The following TNKS variants were observed in gnomAD, a reference collection of about 807,000 sequenced individuals.
The protein encoded by TNKS is tankyrase.
In TNKS, 72 loss-of-function variants were observed where a neutral mutation model predicts 135.8. The observed-to-expected ratio is 0.53, with a 90% confidence interval of 0.44 to 0.64. TNKS has a LOEUF of 0.64. Ranked by LOEUF, TNKS falls within the 30% of genes least tolerant of loss-of-function variation. The probability of loss-of-function intolerance (pLI) is 0.00; values close to 1 mark genes in which losing one functional copy is unlikely to be tolerated. For missense variants in TNKS, 1,769 were observed against 1,674.0 expected, an observed-to-expected ratio of 1.06 and a Z score of -0.99; for synonymous variants, 849 against 649.3, an observed-to-expected ratio of 1.31 and a Z score of -4.68.
chr8:9,764,576 C>T (rs1208562204), intron 22 of TNKS, 140 bp from the exon 23 acceptor site: 3 of 491,504 alleles, frequency 6.1e-6, no homozygotes, highest in African/African-American at 2.0e-5. Flanking sequence ...TATTTTCTCA[C>T]CAAAAATACT....
intron 5 of TNKS, among the ~76,000 whole-genome samples, chr8:9,682,061 T>C (rs1802805916): frequency 6.6e-6 from 1 of 152,100 alleles, no homozygotes; most frequent in African/African-American, 2.4e-5. Context: ...AACTGTTCAT[T>C]TTTCCTTCAG....
At chr8:9,580,615 A>G (rs1429051694) in intron 2 of TNKS, among the ~76,000 whole-genome samples, 3 of 152,178 alleles carry the variant, frequency 2.0e-5, no homozygotes, top group Non-Finnish European at 4.4e-5. Context: ...GTGGAACTCA[A>G]TTTTAATGGA....
At chr8:9,629,874 G>A (rs1425918310) in intron 3 of TNKS, among the ~76,000 whole-genome samples, 1 of 152,086 alleles carries the variant, frequency 6.6e-6, no homozygotes, top group Non-Finnish European at 1.5e-5. Flanking sequence ...AGTAGAGACG[G>A]GGTTTCACCG....
chr8:9,687,055 A>G (rs1377798017), intron 5 of TNKS, among the ~76,000 whole-genome samples: 3 of 152,178 alleles, frequency 2.0e-5, no homozygotes, highest in Admixed American at 6.5e-5. Context: ...ATCTGCAGTG[A>G]AGTTTATGTA....
At chr8:9,744,872 C>T (rs1459375793) in intron 17 of TNKS, among the ~76,000 whole-genome samples, 2 of 152,104 alleles carry the variant, frequency 1.3e-5, no homozygotes, top group African/African-American at 2.4e-5. Context: ...GTTGGTTTGT[C>T]CAAGCATAAA....
chr8:9,632,980 CG>C (rs1346035020), intron 3 of TNKS, among the ~76,000 whole-genome samples: 2 of 152,186 alleles, frequency 1.3e-5, no homozygotes, highest in East Asian at 3.9e-4. Flanking sequence ...CTGCCCGCCT[CG>C]GCCACCCAAA....
intron 26 of TNKS, among the ~76,000 whole-genome samples, chr8:9,774,693 G>C (rs150846057): frequency 1.3e-5 from 2 of 152,026 alleles, no homozygotes; most frequent in African/African-American, 4.8e-5. Flanking sequence ...ATTAGGAACC[G>C]GGAGCATTTA....
chr8:9,680,992 T>G, intron 5 of TNKS, 192 bp downstream of exon 5: 1 of 429,068 alleles, frequency 2.3e-6, no homozygotes, highest in Non-Finnish European at 4.1e-6. Flanking sequence ...GCATGGATCT[T>G]AAGTAAGCCT....
intron 5 of TNKS, among the ~76,000 whole-genome samples, chr8:9,691,478 G>C (rs1347338132): frequency 6.6e-6 from 1 of 152,040 alleles, no homozygotes; most frequent in Non-Finnish European, 1.5e-5. Context: ...AGCTATATTA[G>C]TCCATTTCTG....
chr8:9,669,145 G>A lies in TNKS; in HGVS notation c.995-10806G>A, dbSNP rs190333691. Reference sequence around the variant, plus strand: ...ATAAGAATGGAAAAAAGGGCCGGGCGCGGTGGCTCACGCCTGTAATCCCAG... The same window carrying A: ...ATAAGAATGGAAAAAAGGGCCGGGCACGGTGGCTCACGCCTGTAATCCCAG... On this transcript the variant is annotated intron_variant, in intron 3 of 26. Coordinates refer to ENST00000310430, the MANE Select transcript of TNKS (RefSeq NM_003747.3). 3.2e-3 allele frequency among the ~76,000 whole-genome samples: 480 copies of A among 152,206 alleles called. 2 individuals are homozygous for A. Among genetic ancestry groups the A allele is most frequent in the African/African-American group, 0.011 (447 of 41,532 alleles).
intron 3 of TNKS, among the ~76,000 whole-genome samples, chr8:9,635,155 G>A (rs555928816): frequency 1.7e-4 from 26 of 151,264 alleles, no homozygotes; most frequent in African/African-American, 6.3e-4. Flanking sequence ...GGACGACAGA[G>A]CGAGACTCCG....
intron 1 of TNKS, among the ~76,000 whole-genome samples, chr8:9,573,673 A>C (rs1469385785): frequency 6.6e-6 from 1 of 152,188 alleles, no homozygotes; most frequent in Non-Finnish European, 1.5e-5. Context: ...TTTACGCTTA[A>C]AAAGCATGAG....
intron 2 of TNKS, among the ~76,000 whole-genome samples, chr8:9,599,485 G>A (rs1798929962): frequency 6.6e-6 from 1 of 152,290 alleles, no homozygotes; most frequent in East Asian, 1.9e-4. Context: ...TAAGGATTGA[G>A]CAGTATTCTA....
intron 2 of TNKS, among the ~76,000 whole-genome samples, chr8:9,605,447 C>T (rs1799180517): frequency 6.6e-6 from 1 of 151,926 alleles, no homozygotes; most frequent in South Asian, 2.1e-4. Flanking sequence ...CATTCACATG[C>T]AAGTCTTTTG....
intron 1 of TNKS, among the ~76,000 whole-genome samples, chr8:9,572,999 C>G (rs907439505): frequency 6.6e-6 from 1 of 151,324 alleles, no homozygotes; most frequent in Admixed American, 6.6e-5. Flanking sequence ...ACTGATAATA[C>G]TTAAGATAGG....
chr8:9,731,476 A>AC (rs1563197291), intron 14 of TNKS, among the ~76,000 whole-genome samples: 5 of 150,924 alleles, frequency 3.3e-5, no homozygotes, highest in South Asian at 2.1e-4. Flanking sequence ...AAAAAAAAAA[A>AC]AAAAAAAACA....
intron 2 of TNKS, among the ~76,000 whole-genome samples, chr8:9,594,796 G>A (rs975905251): frequency 6.6e-6 from 1 of 152,184 alleles, no homozygotes; most frequent in East Asian, 1.9e-4. Flanking sequence ...TTACATATAT[G>A]TATAAATCTT....
At chr8:9,578,715 T>C (rs1798050814) in intron 1 of TNKS, among the ~76,000 whole-genome samples, 1 of 152,180 alleles carries the variant, frequency 6.6e-6, no homozygotes, top group Admixed American at 6.6e-5. Flanking sequence ...GATGTGACTC[T>C]TTTACTGTCT....
chr8:9,625,571 G>T (rs1278212841), intron 3 of TNKS, among the ~76,000 whole-genome samples: 14 of 151,738 alleles, frequency 9.2e-5, no homozygotes, highest in Non-Finnish European at 1.9e-4. Flanking sequence ...CGCACATTTT[G>T]ATTTGTTCCA....
Sources: gnomAD v4.1 joint callset for allele counts (sites outside exome capture counted in the v4.1 genomes callset) on GRCh38, gnomAD v4.1.1 for gene constraint, MANE v1.5 for transcripts, NCBI Gene and HGNC (gene_info 2026-07-23, HGNC 2026-07-21) for gene names.